Variants in ANKS1A observed in about 807,000 individuals in gnomAD.
The protein encoded by ANKS1A is ankyrin repeat and sterile alpha motif domain containing 1A, also known as ankyrin repeat and SAM domain-containing protein 1A.
ANKS1A carries 55 observed loss-of-function variants against 120.3 expected under a neutral mutation model. The ratio of observed to expected loss-of-function variants is 0.46; its 90% CI spans 0.37 to 0.57. The LOEUF is 0.57. Ranked by LOEUF, ANKS1A falls within the 20% of genes least tolerant of loss-of-function variation. ANKS1A has a pLI of 0.00. For missense variants in ANKS1A, 1,123 were observed against 1,480.3 expected, an observed-to-expected ratio of 0.76 and a Z score of 3.96; for synonymous variants, 590 against 604.7, an observed-to-expected ratio of 0.98 and a Z score of 0.36.
intron 1 of ANKS1A, among the ~76,000 whole-genome samples, chr6:34,953,115 G>C (rs1770166748): frequency 6.6e-6 from 1 of 151,350 alleles, no homozygotes; most frequent in South Asian, 2.1e-4. Context: ...CTTACCTGTT[G>C]AGTTCTCAGT....
chr6:34,894,296 A>G (rs772930665), intron 1 of ANKS1A, among the ~76,000 whole-genome samples: 6 of 152,214 alleles, frequency 3.9e-5, no homozygotes, highest in Non-Finnish European at 7.3e-5. Context: ...ATATTGTAAG[A>G]TTTGGTTAAA....
Position 35,018,060 on chromosome 6 carries a change from G to A in ANKS1A, c.2010+1G>A. 6.2e-7 allele frequency: 1 copy of A among 1,612,346 alleles called. No homozygotes were observed. Among genetic ancestry groups the A allele is most frequent in the Non-Finnish European group, 8.5e-7 (1 of 1,179,212 alleles). On this transcript the variant is annotated splice_donor_variant, in intron 11 of 23. Coordinates refer to ENST00000360359, the MANE Select transcript of ANKS1A (RefSeq NM_015245.3). LOFTEE classifies it high-confidence loss of function. Reference sequence around the variant, plus strand: ...CTCCTTCGCCTCGGAGTGGGATGAGGTAAGGCCGACATGACGTCACAGGGA... The same window carrying A: ...CTCCTTCGCCTCGGAGTGGGATGAGATAAGGCCGACATGACGTCACAGGGA...
At chr6:34,977,285 C>T (rs1429007001) in intron 3 of ANKS1A, among the ~76,000 whole-genome samples, 1 of 152,122 alleles carries the variant, frequency 6.6e-6, no homozygotes, top group African/African-American at 2.4e-5. Flanking sequence ...CTTTTTAGTG[C>T]TTTGCATCAA....
chr6:34,910,976 G>A (rs1767882404), intron 1 of ANKS1A, among the ~76,000 whole-genome samples: 1 of 152,174 alleles, frequency 6.6e-6, no homozygotes, highest in African/African-American at 2.4e-5. Context: ...AGTTTTGTAA[G>A]GGATAACTGA....
At chr6:35,096,236 T>C (rs1164036305), downstream of ANKS1A, among the ~76,000 whole-genome samples, 1 of 152,228 alleles carries the variant, frequency 6.6e-6, no homozygotes, top group Non-Finnish European at 1.5e-5. Context: ...TTTCACTTTA[T>C]AGAGGATTTG....
At chr6:35,014,599 G>A (rs1229922804) in intron 10 of ANKS1A, among the ~76,000 whole-genome samples, 3 of 152,198 alleles carry the variant, frequency 2.0e-5, no homozygotes, top group African/African-American at 7.2e-5. Context: ...CATTCTCTGT[G>A]GCCTGGGTTC....
At chr6:35,054,071 C>T in intron 11 of ANKS1A, 28 bp from the exon 12 acceptor site, 1 of 1,606,754 alleles carries the variant, frequency 6.2e-7, no homozygotes, top group East Asian at 2.2e-5. Context: ...CTGACTGCCT[C>T]TCCTCTTTGT....
chr6:35,021,080 G>A (rs1013757699), intron 11 of ANKS1A, among the ~76,000 whole-genome samples: 1 of 152,212 alleles, frequency 6.6e-6, no homozygotes, highest in Non-Finnish European at 1.5e-5. Context: ...TCTGTAAAGA[G>A]AAACTCCAAA....
intron 11 of ANKS1A, among the ~76,000 whole-genome samples, chr6:35,028,787 A>G (rs1421147982): frequency 6.6e-6 from 1 of 152,194 alleles, no homozygotes; most frequent in African/African-American, 2.4e-5. Flanking sequence ...ATTGTTCATA[A>G]TATTCCATGG....
chr6:34,939,940 G>C (rs1193128046), intron 1 of ANKS1A, among the ~76,000 whole-genome samples: 1 of 152,160 alleles, frequency 6.6e-6, no homozygotes, highest in East Asian at 1.9e-4. Context: ...GCTGCTCCCA[G>C]CCATTGTGGG....
intron 11 of ANKS1A, among the ~76,000 whole-genome samples, chr6:35,045,221 C>T (rs1451523142): frequency 6.6e-6 from 1 of 152,216 alleles, no homozygotes; most frequent in African/African-American, 2.4e-5. Context: ...TAAATTAACT[C>T]CTCATTAGAG....
chr6:35,065,889 C>T (rs1462601390), intron 13 of ANKS1A, among the ~76,000 whole-genome samples: 1 of 152,236 alleles, frequency 6.6e-6, no homozygotes, highest in Non-Finnish European at 1.5e-5. Flanking sequence ...GCAGCCACCA[C>T]CACTGCCTGG....
chr6:35,037,981 T>C (rs1775267522), intron 11 of ANKS1A, among the ~76,000 whole-genome samples: 1 of 151,958 alleles, frequency 6.6e-6, no homozygotes, highest in South Asian at 2.1e-4. Context: ...GAGGGCACGA[T>C]GGAGTGAATG....
chr6:34,950,222 C>CTTTTTTTTTTTT (rs747865614), intron 1 of ANKS1A, among the ~76,000 whole-genome samples: 1 of 97,542 alleles, frequency 1.0e-5, no homozygotes, highest in African/African-American at 4.4e-5. Flanking sequence ...TCTTTTCTCT[C>CTTTTTTTTTTTT]TTTTTTTTTT....
intron 13 of ANKS1A, among the ~76,000 whole-genome samples, chr6:35,075,282 G>A (rs820062): frequency 0.8 from 122,087 of 152,172 alleles, 49,889 homozygotes; most frequent in South Asian, 0.92. Context: ...GAGAAGCTCT[G>A]CAAGAAAAGT....
intron 1 of ANKS1A, among the ~76,000 whole-genome samples, chr6:34,935,157 G>C (rs2127477328): frequency 6.6e-6 from 1 of 152,296 alleles, no homozygotes; most frequent in Admixed American, 6.5e-5. Context: ...TGTGATCATA[G>C]TTCACTGGAA....
chr6:34,983,293 T>C (rs1452000964), intron 6 of ANKS1A, 31 bp from the exon 7 acceptor site: 9 of 1,612,514 alleles, frequency 5.6e-6, no homozygotes, highest in South Asian at 2.2e-5. Flanking sequence ...TGCAGCACTT[T>C]TTATTTTTAT....
chr6:34,982,963 G>A lies in ANKS1A; in HGVS notation c.808+136G>A, dbSNP rs779758116. 3.9e-5 allele frequency: 50 copies of A among 1,276,442 alleles called. No individual in the cohort carries two copies. Among genetic ancestry groups the A allele is most frequent in the Middle Eastern group, 2.0e-4 (1 of 4,884 alleles). 79.1% of individuals were successfully genotyped at this position (1,276,442 alleles called of 1,614,324 possible). On this transcript the variant is annotated intron_variant, in intron 5 of 23. Transcript: ENST00000360359. This position sits in a 1 kb window ranked among gnomAD's most constrained non-coding sequence, Gnocchi z 4.9. ...ATCTCCACTGGTTGATTACAAGTGT[G>A]TAAACTGTTCTTGAATAGCTGGATT...
At chr6:34,946,866 C>A (rs571849012) in intron 1 of ANKS1A, among the ~76,000 whole-genome samples, 1 of 152,166 alleles carries the variant, frequency 6.6e-6, no homozygotes, top group Non-Finnish European at 1.5e-5. Flanking sequence ...TTTTATGAAC[C>A]AACAGTTAGT....
Sources: allele counts gnomAD v4.1 joint callset (sites outside exome capture counted in the v4.1 genomes callset), GRCh38; gene constraint gnomAD v4.1.1; non-coding constraint Gnocchi (gnomAD v3.1); transcripts MANE v1.5; gene names NCBI Gene and HGNC (gene_info 2026-07-23, HGNC 2026-07-21).